SH3TC2: variants seen among roughly 807,000 people sequenced by gnomAD.
SH3TC2 encodes SH3 domain and tetratricopeptide repeats 2.
A neutral mutation model predicts 124.5 loss-of-function variants in SH3TC2; 87 were observed. The ratio of observed to expected loss-of-function variants is 0.70; its 90% confidence interval spans 0.59 to 0.84. The LOEUF (loss-of-function observed/expected upper bound fraction) is 0.84, where lower values mean the gene tolerates loss of function less well. Ranked by LOEUF, SH3TC2 falls within the 40% of genes least tolerant of loss-of-function variation. The probability of loss-of-function intolerance (pLI) is 0.00; values close to 1 mark genes in which losing one functional copy is unlikely to be tolerated. For synonymous variants in SH3TC2, 634 were observed against 628.5 expected (o/e 1.01, Z -0.13); for missense variants, 1,536 against 1,566.4 (o/e 0.98, Z 0.33).
At chr5:149,062,242 T>C (rs1754765215) in intron 1 of SH3TC2, 1 of 441,022 alleles carries the variant, frequency 2.3e-6, no homozygotes, top group Admixed American at 2.7e-5. Context: ...AAGCCACCAC[T>C]CATCCTGATA....
At position 148,992,878 on chromosome 5, in the gene SH3TC2, G is replaced by T. The variant is rs1481845290; in HGVS notation, c.*11833C>A. Reference sequence around the variant, plus strand: ...AACATGCACAGCTCATAGGGTTTGGGTATGGCTTGGAAAATCATCATGCTT... The same window carrying T: ...AACATGCACAGCTCATAGGGTTTGGTTATGGCTTGGAAAATCATCATGCTT... On this transcript the variant is annotated 3_prime_UTR_variant, in exon 17 of 17. Coordinates refer to ENST00000515425, the MANE Select transcript of SH3TC2 (RefSeq NM_024577.4). Among the ~76,000 whole-genome samples the T allele has an allele frequency of 6.6e-6, 1 of 152,096 alleles. No homozygotes were observed. The highest frequency in any genetic ancestry group is 2.1e-4 in the South Asian group (1 of 4,830).
chr5:149,048,229 G>A (rs1754499993), intron 2 of SH3TC2, among the ~76,000 whole-genome samples: 1 of 152,164 alleles, frequency 6.6e-6, no homozygotes, highest in African/African-American at 2.4e-5. Flanking sequence ...ATGCACTCAC[G>A]TTGTTTATTT....
rs886060193 is a variant in SH3TC2 at position 149,004,612 on chromosome 5, C to T, written c.*99G>A. ...TTCTTGTGAAATGAGGGGGCTAGGC[C>T]AGGTAAGGACTCGGACCCTCCCAAT... is the stretch of plus-strand genomic sequence containing the variant. On this transcript the variant is annotated 3_prime_UTR_variant, in exon 17 of 17. Coordinates refer to ENST00000515425, the MANE Select transcript of SH3TC2 (RefSeq NM_024577.4). 3 of 1,280,638 alleles carry T rather than the reference C, an allele frequency of 2.3e-6. No homozygotes were observed. Among genetic ancestry groups the T allele is most frequent in the Admixed American group, 2.3e-5 (1 of 42,892 alleles). 79.3% of individuals were successfully genotyped at this position (1,280,638 alleles called of 1,614,324 possible).
At chr5:149,037,840 C>T (rs576567259) in intron 8 of SH3TC2, among the ~76,000 whole-genome samples, 19 of 152,332 alleles carry the variant, frequency 1.2e-4, no homozygotes, top group African/African-American at 4.6e-4. Context: ...CTAGCCAATG[C>T]TGAAGTCACA....
intron 3 of SH3TC2, chr5:149,046,429 A>G (rs545697727): frequency 6.6e-6 from 1 of 152,358 alleles, no homozygotes; most frequent in South Asian, 2.1e-4. Context: ...GAACTAAAAG[A>G]TAAGGAAGTA....
chr5:149,040,096 TTGTG>T (rs761154028), intron 7 of SH3TC2, among the ~76,000 whole-genome samples: 1 of 151,678 alleles, frequency 6.6e-6, no homozygotes. Flanking sequence ...ATTACTTAAA[TTGTG>T]TGTGTGTGTG....
At chr5:149,034,151 A>G (rs1337700728) in intron 8 of SH3TC2, among the ~76,000 whole-genome samples, 1 of 152,214 alleles carries the variant, frequency 6.6e-6, no homozygotes, top group East Asian at 1.9e-4. Context: ...CTGTGAGAAG[A>G]AACAGCCATA....
chr5:149,031,766 G>A (rs895440358), intron 8 of SH3TC2, 79 bp from the exon 9 acceptor site: 35 of 1,581,300 alleles, frequency 2.2e-5, no homozygotes, highest in African/African-American at 8.1e-5. Flanking sequence ...ACACTAGGAT[G>A]TAGTGGAGGA....
chr5:149,050,930 G>A (rs1350322979), intron 2 of SH3TC2, among the ~76,000 whole-genome samples: 2 of 152,180 alleles, frequency 1.3e-5, no homozygotes, highest in Admixed American at 6.5e-5. Context: ...TAACTGTGTC[G>A]TGGTGAAGTC....
At chr5:149,057,274 T>C (rs1221397672) in intron 1 of SH3TC2, among the ~76,000 whole-genome samples, 4 of 152,210 alleles carry the variant, frequency 2.6e-5, no homozygotes, top group Non-Finnish European at 5.9e-5. Context: ...GGGTCAGTAC[T>C]ACATTTAGTT....
intron 12 of SH3TC2, among the ~76,000 whole-genome samples, chr5:149,013,538 GA>G (rs1446506833): frequency 6.6e-6 from 1 of 152,190 alleles, no homozygotes; most frequent in Admixed American, 6.5e-5. Context: ...GTGAATGCAT[GA>G]ATGAGTGACA....
At position 148,994,730 on chromosome 5, in the gene SH3TC2, G is replaced by GGATGAATA. The variant is rs1753479799; in HGVS notation, c.*9980_*9981insTATTCATC. ...TGGATGGATGGATGGATGGATGGAT[G>GGATGAATA]GATGGATGAATAGATGGATGAATAG... On this transcript the variant is annotated 3_prime_UTR_variant, in exon 17 of 17. Transcript: ENST00000515425. 1.3e-5 allele frequency among the ~76,000 whole-genome samples: 2 copies of GGATGAATA among 151,668 alleles called. No individual in the cohort carries two copies. The highest frequency in any genetic ancestry group is 6.6e-5 in the Admixed American group (1 of 15,196).
rs35182601 is a variant in SH3TC2 at position 148,992,600 on chromosome 5, GTTT to G, written c.*12108_*12110del. Among the ~76,000 whole-genome samples the G allele has an allele frequency of 0.33, 33,566 of 102,400 alleles. 4,344 individuals are homozygous for G. Among genetic ancestry groups the G allele is most frequent in the Admixed American group, 0.43 (3,630 of 8,458 alleles). 67.2% of individuals were successfully genotyped at this position (102,400 alleles called of 152,430 possible). On this transcript the variant is annotated 3_prime_UTR_variant, in exon 17 of 17. Transcript: ENST00000515425. ...ATAATTCCAAGAAGAGATTTCATTGGTTTTTTTTTTTTTTTTTTTTTTCAGATT... is the reference window on the plus strand; with the variant it reads ...ATAATTCCAAGAAGAGATTTCATTGGTTTTTTTTTTTTTTTTTTTCAGATT...
rs1409339947 is a variant in SH3TC2 at position 149,000,083 on chromosome 5, C to A, written c.*4628G>T. 2.6e-5 allele frequency among the ~76,000 whole-genome samples: 4 copies of A among 152,172 alleles called. No individual in the cohort carries two copies. The highest frequency in any genetic ancestry group is 5.9e-5 in the Non-Finnish European group (4 of 68,036). On this transcript the variant is annotated 3_prime_UTR_variant, in exon 17 of 17. Coordinates refer to ENST00000515425, the MANE Select transcript of SH3TC2 (RefSeq NM_024577.4). ...GAAAGCCCTTCCTGATGCCCGTAAC[C>A]CTGTCTGGGTAAAATCCCTTCCCCG...
chr5:149,001,216 T>C lies in SH3TC2; in HGVS notation c.*3495A>G, dbSNP rs1368546333. 1 of 152,046 alleles carries C rather than the reference T, an allele frequency of 6.6e-6. No homozygotes were observed. The highest frequency in any genetic ancestry group is 2.4e-5 in the African/African-American group (1 of 41,394). The allele number at this position is 152,046 out of a possible 1,614,324, so 9.4% of individuals were successfully genotyped here. On this transcript the variant is annotated 3_prime_UTR_variant, in exon 17 of 17. Transcript: ENST00000515425. ...TATACACATGCACAATATAAAGGCA[T>C]CTTAAAATAATGGAAAAGCAAATAA... is the stretch of plus-strand genomic sequence containing the variant.
intron 7 of SH3TC2, 142 bp from the exon 8 acceptor site, chr5:149,038,632 A>T (rs139142584): frequency 1.1e-6 from 1 of 876,810 alleles, no homozygotes; most frequent in African/African-American, 1.6e-5. Flanking sequence ...TCCCCACCCA[A>T]AAATTGGCAG....
Position 148,994,773 on chromosome 5 carries a change from T to C in SH3TC2, c.*9938A>G, listed in dbSNP as rs978924242. On this transcript the variant is annotated 3_prime_UTR_variant, in exon 17 of 17. Coordinates refer to ENST00000515425, the MANE Select transcript of SH3TC2 (RefSeq NM_024577.4). ...ATGAATAGATGGATGAATAGATGGA[T>C]AACCGTCTGCATCCTCTGTCCCAAA... Among the ~76,000 whole-genome samples, 4 of 152,050 alleles carry C rather than the reference T, an allele frequency of 2.6e-5. No homozygotes were observed. Among genetic ancestry groups the C allele is most frequent in the African/African-American group, 9.7e-5 (4 of 41,398 alleles).
chr5:149,010,397 G>A lies in SH3TC2; in HGVS notation c.3205-5C>T. 6.2e-7 allele frequency: 1 copy of A among 1,613,780 alleles called. No individual in the cohort carries two copies. Among genetic ancestry groups the A allele is most frequent in the Non-Finnish European group, 8.5e-7 (1 of 1,180,010 alleles). On this transcript the variant is annotated splice_region_variant and splice_polypyrimidine_tract_variant and intron_variant, in intron 13 of 16. Transcript: ENST00000515425. ...CAGGGCTGTCTGGATGGCTGCCTAG[G>A]TGGGACAGAGACAGCTGTTAAAGGC...
chr5:149,021,396 C>T (rs912382173), intron 12 of SH3TC2, among the ~76,000 whole-genome samples: 5 of 151,368 alleles, frequency 3.3e-5, no homozygotes, highest in African/African-American at 1.2e-4. Flanking sequence ...GCAAAGTAAA[C>T]CCAAAGCAAA....
Sources: allele counts gnomAD v4.1 joint callset (sites outside exome capture counted in the v4.1 genomes callset), GRCh38; gene constraint gnomAD v4.1.1; transcripts MANE v1.5; gene names NCBI Gene and HGNC (gene_info 2026-07-23, HGNC 2026-07-21).